The following MED21 variants were observed in gnomAD, a reference collection of about 807,000 sequenced individuals.
MED21 encodes the protein mediator complex subunit 21, also known as mediator of RNA polymerase II transcription subunit 21.
A neutral mutation model predicts 18.2 loss-of-function variants in MED21; 9 were observed. That is an observed-to-expected ratio of 0.49 (90% CI 0.30 to 0.86). The LOEUF (loss-of-function observed/expected upper bound fraction) is 0.86. Ranked by LOEUF, MED21 falls within the 40% of genes least tolerant of loss-of-function variation. The pLI is 0.07. For synonymous variants in MED21, 73 were observed against 60.5 expected (o/e 1.21, Z -0.96); for missense variants, 150 against 170.9 (o/e 0.88, Z 0.68).
At chr12:27,033,948 T>A (rs566209262), downstream of MED21, among the ~76,000 whole-genome samples, 12 of 151,716 alleles carry the variant, frequency 7.9e-5, no homozygotes, top group Middle Eastern at 3.4e-3. Flanking sequence ...AAGAAAGAAA[T>A]AATAAAGGTA....
At chr12:27,035,172 C>T (rs1197730714), downstream of MED21, among the ~76,000 whole-genome samples, 1 of 152,174 alleles carries the variant, frequency 6.6e-6, no homozygotes, top group African/African-American at 2.4e-5. Flanking sequence ...TGACACCACA[C>T]ACCAGCCTGG....
At chr12:27,026,010 A>T (rs1941539760) in intron 1 of MED21, among the ~76,000 whole-genome samples, 1 of 152,200 alleles carries the variant, frequency 6.6e-6, no homozygotes, top group Non-Finnish European at 1.5e-5. Flanking sequence ...ATGAGAAATA[A>T]ATTTTTATTA....
In MED21 at chr12:27,030,579, C is replaced by T. The variant is rs149424842; in HGVS notation, c.*2118C>T. The T allele has an allele frequency of 1.4e-3, 234 of 170,320 alleles. 1 individual carries two copies. The highest frequency in any genetic ancestry group is 5.4e-3 in the African/African-American group (227 of 42,360). 10.6% of individuals were successfully genotyped at this position (170,320 alleles called of 1,614,324 possible). A position where few individuals can be genotyped will look rare whatever the true frequency, so the allele number is the denominator to read the frequency against. Reference sequence around the variant, plus strand: ...ATTTTATTTTATTTCATTAATACAGCAATAATTAAATGTCAATGATCTAAG... The same window carrying T: ...ATTTTATTTTATTTCATTAATACAGTAATAATTAAATGTCAATGATCTAAG... On this transcript the variant is annotated 3_prime_UTR_variant, in exon 4 of 4. Coordinates refer to ENST00000282892, the MANE Select transcript of MED21 (RefSeq NM_004264.5).
At position 27,028,754 on chromosome 12, in the gene MED21, G is replaced by C; in HGVS notation, c.*293G>C. 12 of 1,040,390 alleles carry C rather than the reference G, an allele frequency of 1.2e-5. No individual in the cohort carries two copies. The highest frequency in any genetic ancestry group is 1.3e-5 in the Non-Finnish European group (11 of 862,334). 64.4% of individuals were successfully genotyped at this position (1,040,390 alleles called of 1,614,324 possible). A position where few individuals can be genotyped will look rare whatever the true frequency, so the allele number is the denominator to read the frequency against. On this transcript the variant is annotated 3_prime_UTR_variant, in exon 4 of 4. Coordinates refer to ENST00000282892, the MANE Select transcript of MED21 (RefSeq NM_004264.5). Reference sequence around the variant, plus strand: ...GGAAACATATGTAAAATTCTGTTATGACATAATTTATGTCTCCATTTTGTT... The same window carrying C: ...GGAAACATATGTAAAATTCTGTTATCACATAATTTATGTCTCCATTTTGTT...
intron 1 of MED21, among the ~76,000 whole-genome samples, chr12:27,025,501 T>C (rs1941532119): frequency 1.3e-5 from 2 of 152,182 alleles, no homozygotes; most frequent in Non-Finnish European, 2.9e-5. Flanking sequence ...AGAAGACTAT[T>C]GTAATAATTC....
chr12:27,025,060 T>G (rs1941526139), intron 1 of MED21, among the ~76,000 whole-genome samples: 1 of 152,246 alleles, frequency 6.6e-6, no homozygotes, highest in Non-Finnish European at 1.5e-5. Context: ...TTTCCATAAA[T>G]TTTTGTTGAC....
chr12:27,025,693 A>G (rs999642335), intron 1 of MED21, among the ~76,000 whole-genome samples: 1 of 152,232 alleles, frequency 6.6e-6, no homozygotes, highest in Non-Finnish European at 1.5e-5. Flanking sequence ...GAGTTCTGTC[A>G]TTGAAACAAT....
chr12:27,032,025 A>C (rs558029938), downstream of MED21, among the ~76,000 whole-genome samples: 1 of 152,280 alleles, frequency 6.6e-6, no homozygotes, highest in South Asian at 2.1e-4. Flanking sequence ...CTTTGAGAGG[A>C]CCAAAAACGA....
At position 27,026,543 on chromosome 12, in the gene MED21, G is replaced by A; in HGVS notation, c.157+9G>A. The A allele has an allele frequency of 6.4e-7, 1 of 1,570,016 alleles. No homozygotes were observed. Among genetic ancestry groups the A allele is most frequent in the Non-Finnish European group, 8.8e-7 (1 of 1,141,650 alleles). On this transcript the variant is annotated intron_variant, in intron 2 of 3. Coordinates refer to ENST00000282892, the MANE Select transcript of MED21 (RefSeq NM_004264.5). Reference sequence around the variant, plus strand: ...AGCTAACCCTACAGAAGGTAAACAGGTTTTCTTAGCTTCTCTTAGTTTGAC... The same window carrying A: ...AGCTAACCCTACAGAAGGTAAACAGATTTTCTTAGCTTCTCTTAGTTTGAC...
At position 27,030,144 on chromosome 12, in the gene MED21, T is replaced by G. The variant is rs1032709578; in HGVS notation, c.*1683T>G. ...ACAGTTTTTTTTTGTTGTTCTTGTT[T>G]CTGTTTTTTTAAGGTGAAGTCTCTG... On this transcript the variant is annotated 3_prime_UTR_variant, in exon 4 of 4. Transcript: ENST00000282892. 39 of 660,772 alleles carry G rather than the reference T, an allele frequency of 5.9e-5. 1 individual carries two copies. Among genetic ancestry groups the G allele is most frequent in the Middle Eastern group, 2.6e-4 (1 of 3,898 alleles). The allele number at this position is 660,772 out of a possible 1,614,324, so 40.9% of individuals were successfully genotyped here.
At chr12:27,022,695 A>T in intron 1 of MED21, 74 bp downstream of exon 1, 1 of 1,611,810 alleles carries the variant, frequency 6.2e-7, no homozygotes, top group Non-Finnish European at 8.5e-7. Flanking sequence ...GGGGCCCAAG[A>T]GGCAAAACTT....
At chr12:27,023,798 T>TA (rs1277342291) in intron 1 of MED21, among the ~76,000 whole-genome samples, 1 of 150,318 alleles carries the variant, frequency 6.7e-6, no homozygotes, top group Admixed American at 6.6e-5. Flanking sequence ...GTTTTGGCGA[T>TA]AACTTTTTTT....
rs771415706 is a variant in MED21 at position 27,027,422 on chromosome 12, G to T, written c.233G>T (p.Ser78Ile). The T allele has an allele frequency of 6.2e-7, 1 of 1,613,408 alleles. No homozygotes were observed. The highest frequency in any genetic ancestry group is 1.1e-5 in the South Asian group (1 of 91,056). ...GATGTTTTGATAGATTCCTTACCCA[G>T]TGAAGAATCTACAGCTGCTTTACAG... is the stretch of plus-strand genomic sequence containing the variant. ...DIDVLIDSLP[S>I]EESTAALQAA... The change falls in exon 3 of 4, where the codon AGT becomes ATT. Residue 78 changes from serine to isoleucine, a missense_variant. Coordinates refer to ENST00000282892, the MANE Select transcript of MED21 (RefSeq NM_004264.5).
intron 1 of MED21, chr12:27,022,918 T>G (rs1941492219): frequency 3.9e-6 from 5 of 1,283,686 alleles, no homozygotes; most frequent in Non-Finnish European, 5.0e-6. Flanking sequence ...TCGTGTTCCC[T>G]GAGGACAGTT....
rs554437012 is a variant in MED21, at chr12:27,030,252, C to T, written c.*1791C>T. On this transcript the variant is annotated 3_prime_UTR_variant, in exon 4 of 4. Coordinates refer to ENST00000282892, the MANE Select transcript of MED21 (RefSeq NM_004264.5). ...TCAGGTGATCCTCCCACTTCAGCCT[C>T]TTCAGTAACTGGGACTACAGGCATG... The T allele has an allele frequency of 2.3e-5, 14 of 604,280 alleles. No homozygotes were observed. In the South Asian group the frequency reaches 2.5e-4, roughly 11 times the overall value. 37.4% of individuals were successfully genotyped at this position (604,280 alleles called of 1,614,324 possible).
chr12:27,026,548 C>A lies in MED21; in HGVS notation c.157+14C>A, dbSNP rs1941547256. The A allele has an allele frequency of 2.1e-5, 32 of 1,505,562 alleles. No individual in the cohort carries two copies. The highest frequency in any genetic ancestry group is 2.9e-5 in the Non-Finnish European group (31 of 1,083,092). 93.3% of individuals were successfully genotyped at this position (1,505,562 alleles called of 1,614,324 possible). On this transcript the variant is annotated intron_variant, in intron 2 of 3. Coordinates refer to ENST00000282892, the MANE Select transcript of MED21 (RefSeq NM_004264.5). The stretch of plus-strand genomic sequence containing the variant: ...ACCCTACAGAAGGTAAACAGGTTTT[C>A]TTAGCTTCTCTTAGTTTGACTCTCA...
chr12:27,031,107 A>G (rs142907873), downstream of MED21, among the ~76,000 whole-genome samples: 1,236 of 151,980 alleles, frequency 8.1e-3, 15 homozygotes, highest in African/African-American at 0.028. Context: ...GGGTTTCTCC[A>G]TGTTGGTCAG....
chr12:27,024,877 T>C (rs1941522537), intron 1 of MED21, among the ~76,000 whole-genome samples: 4 of 152,176 alleles, frequency 2.6e-5, no homozygotes, highest in Admixed American at 2.0e-4. Context: ...CTGATGTAAA[T>C]TGGAATATGG....
At position 27,028,712 on chromosome 12, in the gene MED21, TAATG is replaced by T. The variant is rs1941577553; in HGVS notation, c.*254_*257del. On this transcript the variant is annotated 3_prime_UTR_variant, in exon 4 of 4. Coordinates refer to ENST00000282892, the MANE Select transcript of MED21 (RefSeq NM_004264.5). ...GAAATTATTAAGGCATGTAATACAT[TAATG>T]AACATAATATAAGGAAACATATGTA... The T allele has an allele frequency of 2.7e-6, 3 of 1,131,626 alleles. No individual in the cohort carries two copies. The highest frequency in any genetic ancestry group is 3.3e-6 in the Non-Finnish European group (3 of 918,760). The allele number at this position is 1,131,626 out of a possible 1,614,324, so 70.1% of individuals were successfully genotyped here. A position where few individuals can be genotyped will look rare whatever the true frequency, so the allele number is the denominator to read the frequency against.
Sources: gnomAD v4.1 joint callset for allele counts (sites outside exome capture counted in the v4.1 genomes callset) on GRCh38, gnomAD v4.1.1 for gene constraint, MANE v1.5 for transcripts, NCBI Gene and HGNC (gene_info 2026-07-23, HGNC 2026-07-21) for gene names.